The following CDYL variants were observed in gnomAD, a reference collection of about 807,000 sequenced individuals.
CDYL encodes chromodomain Y-like protein.
Under a neutral mutation model 47.3 loss-of-function variants are expected in CDYL, and 8 were observed. That is an observed-to-expected ratio of 0.17 (90% confidence interval 0.10 to 0.31). The LOEUF is 0.31. Among genes scored for constraint, CDYL ranks in the 10% least tolerant of loss-of-function variants. The pLI is 1.00. For missense variants in CDYL, 471 were observed against 701.4 expected, an observed-to-expected ratio of 0.67 and a Z score of 3.71; for synonymous variants, 266 against 265.0, an observed-to-expected ratio of 1.00 and a Z score of -0.04.
At chr6:4,793,375 G>A (rs1758982327) in intron 1 of CDYL, among the ~76,000 whole-genome samples, 1 of 152,142 alleles carries the variant, frequency 6.6e-6, no homozygotes, top group Non-Finnish European at 1.5e-5. Context: ...ATTTTTAGGT[G>A]AAGCAATCAG....
intron 1 of CDYL, among the ~76,000 whole-genome samples, chr6:4,853,544 G>C (rs528521086): frequency 2.6e-5 from 4 of 152,102 alleles, no homozygotes; most frequent in East Asian, 3.9e-4. Context: ...TAGTACCAAG[G>C]ATAGCTCTTA....
intron 2 of CDYL, among the ~76,000 whole-genome samples, chr6:4,919,645 T>A (rs1757655905): frequency 6.6e-6 from 1 of 152,192 alleles, no homozygotes; most frequent in South Asian, 2.1e-4. Flanking sequence ...ATGTAAAGGA[T>A]TTTACCTCCT....
At chr6:4,716,935 A>G (rs1757276411) in intron 2 of CDYL, among the ~76,000 whole-genome samples, 1 of 152,152 alleles carries the variant, frequency 6.6e-6, no homozygotes, top group Admixed American at 6.5e-5. Flanking sequence ...CCAGAGAGGG[A>G]CACAGCTATG....
intron 2 of CDYL, chr6:4,724,726 G>C (rs771048266): frequency 2.6e-5 from 4 of 152,156 alleles, no homozygotes; most frequent in South Asian, 2.1e-4. Context: ...CGTTGGGTTC[G>C]TGGTCTCACT....
chr6:4,894,208 C>T (rs1002475992), intron 2 of CDYL, among the ~76,000 whole-genome samples: 4 of 152,136 alleles, frequency 2.6e-5, no homozygotes, highest in African/African-American at 4.8e-5. Context: ...TGGAGAGAAC[C>T]GAAGCCAGAA....
chr6:4,724,099 G>GGCAT (rs1757433369), intron 2 of CDYL, among the ~76,000 whole-genome samples: 1 of 152,210 alleles, frequency 6.6e-6, no homozygotes, highest in Non-Finnish European at 1.5e-5. Flanking sequence ...GGAGTGCAGG[G>GGCAT]GCATGATCTT....
In CDYL at chr6:4,758,351, A is replaced by AATAAATATATATATATATATAT. The variant is rs1554134097; in HGVS notation, c.186+23510_186+23511insAATATATATATATATATATATA. 1.7e-3 allele frequency among the ~76,000 whole-genome samples: 218 copies of AATAAATATATATATATATATAT among 129,040 alleles called. 1 individual carries two copies. The highest frequency in any genetic ancestry group is 0.016 in the Middle Eastern group (4 of 252). The allele number at this position is 129,040 out of a possible 152,430, so 84.7% of individuals were successfully genotyped here. A position where few individuals can be genotyped will look rare whatever the true frequency, so the allele number is the denominator to read the frequency against. The stretch of plus-strand genomic sequence containing the variant: ...AAGACTCATGTCTTGAAAATAAATA[A>AATAAATATATATATATATATAT]ATATATATATATATATATATCTCTT... On this transcript the variant is annotated intron_variant, in intron 3 of 8. Transcript: ENST00000328908.
At chr6:4,913,343 T>G (rs890551518) in intron 2 of CDYL, among the ~76,000 whole-genome samples, 3 of 152,298 alleles carry the variant, frequency 2.0e-5, no homozygotes, top group South Asian at 2.1e-4. Context: ...AATCTGAGCT[T>G]CTCTCCTCTC....
chr6:4,873,243 C>G (rs1300409044), intron 1 of CDYL, among the ~76,000 whole-genome samples: 1 of 151,970 alleles, frequency 6.6e-6, no homozygotes, highest in African/African-American at 2.4e-5. Flanking sequence ...TTTTCACTGC[C>G]CATTTCTTAG....
chr6:4,899,791 G>A (rs952261908), intron 2 of CDYL, among the ~76,000 whole-genome samples: 1 of 152,154 alleles, frequency 6.6e-6, no homozygotes, highest in South Asian at 2.1e-4. Context: ...GAAGTTTAGG[G>A]AACGAACCCT....
chr6:4,930,623 C>T (rs536787328), intron 2 of CDYL, among the ~76,000 whole-genome samples: 4 of 152,326 alleles, frequency 2.6e-5, no homozygotes, highest in Non-Finnish European at 5.9e-5. Context: ...TGAAGAAGTA[C>T]AGACGCTGTT....
At chr6:4,707,468 T>G (rs1757068010) in intron 1 of CDYL, among the ~76,000 whole-genome samples, 1 of 152,144 alleles carries the variant, frequency 6.6e-6, no homozygotes, top group Admixed American at 6.5e-5. Flanking sequence ...GAGACTGGGT[T>G]TCACCACGTT....
At chr6:4,731,971 C>A (rs1012713780) in intron 2 of CDYL, among the ~76,000 whole-genome samples, 2 of 152,020 alleles carry the variant, frequency 1.3e-5, no homozygotes, top group Non-Finnish European at 2.9e-5. Flanking sequence ...ATAATATATT[C>A]TCTTGTATGT....
chr6:4,871,501 A>AGTGGGCTG (rs1761473608), intron 1 of CDYL, among the ~76,000 whole-genome samples: 1 of 152,184 alleles, frequency 6.6e-6, no homozygotes, highest in South Asian at 2.1e-4. Flanking sequence ...ATATTGCTAT[A>AGTGGGCTG]ATGGAAGACT....
intron 1 of CDYL, among the ~76,000 whole-genome samples, chr6:4,866,443 A>G (rs769352397): frequency 6.6e-6 from 1 of 152,166 alleles, no homozygotes; most frequent in Non-Finnish European, 1.5e-5. Context: ...AGGAATAGCA[A>G]GTATTTTTAA....
chr6:4,736,771 A>G (rs1757711937), intron 3 of CDYL, among the ~76,000 whole-genome samples: 1 of 152,110 alleles, frequency 6.6e-6, no homozygotes, highest in Admixed American at 6.5e-5. Flanking sequence ...CACATGAAAC[A>G]TTGAAAAGGA....
At position 4,895,374 on chromosome 6, in the gene CDYL, T is replaced by TATGTATATATGTGCATATATGC; in HGVS notation, c.691+3003_691+3024dup. ...ATGTATATATGTGCATATATGCATG[T>TATGTATATATGTGCATATATGC]ATGTATATATGTGCATATATGCATG... is the stretch of plus-strand genomic sequence containing the variant. On this transcript the variant is annotated intron_variant, in intron 2 of 6. Transcript: ENST00000397588. 2.3e-5 allele frequency among the ~76,000 whole-genome samples: 2 copies of TATGTATATATGTGCATATATGC among 87,018 alleles called. 1 individual carries two copies. The highest frequency in any genetic ancestry group is 1.0e-4 in the African/African-American group (2 of 19,818). 57.1% of individuals were successfully genotyped at this position (87,018 alleles called of 152,430 possible). A position where few individuals can be genotyped will look rare whatever the true frequency, so the allele number is the denominator to read the frequency against.
chr6:4,711,362 C>T (rs1265257244), intron 1 of CDYL, among the ~76,000 whole-genome samples: 1 of 152,222 alleles, frequency 6.6e-6, no homozygotes, highest in Non-Finnish European at 1.5e-5. Context: ...CAAGGCTCTT[C>T]TCTGGTTGTT....
intron 2 of CDYL, among the ~76,000 whole-genome samples, chr6:4,925,267 T>G (rs1353993958): frequency 6.6e-6 from 1 of 152,216 alleles, no homozygotes; most frequent in African/African-American, 2.4e-5. Context: ...CAAAACATGA[T>G]TGAAGTCCTG....
Sources: gnomAD v4.1 joint callset for allele counts (sites outside exome capture counted in the v4.1 genomes callset) on GRCh38, gnomAD v4.1.1 for gene constraint, MANE v1.5 for transcripts, NCBI Gene and HGNC (gene_info 2026-07-23, HGNC 2026-07-21) for gene names.